The following ST6GAL1 variants were observed in gnomAD, a reference collection of about 807,000 sequenced individuals.
ST6GAL1 encodes beta-galactoside alpha-2,6-sialyltransferase 1.
A neutral mutation model predicts 38.0 loss-of-function variants in ST6GAL1; 20 were observed. The observed-to-expected ratio is 0.53, with a 90% CI of 0.37 to 0.77. ST6GAL1 has a LOEUF of 0.77. Among genes scored for constraint, ST6GAL1 ranks in the 30% least tolerant of loss-of-function variants. The pLI, the probability that ST6GAL1 is intolerant of heterozygous loss-of-function variation, is 0.00. For synonymous variants in ST6GAL1, 196 were observed against 188.2 expected, an observed-to-expected ratio of 1.04 and a Z score of -0.34; for missense variants, 432 against 496.4, an observed-to-expected ratio of 0.87 and a Z score of 1.23.
At chr3:187,019,090 A>G (rs1035480102) in intron 2 of ST6GAL1, among the ~76,000 whole-genome samples, 2 of 152,272 alleles carry the variant, frequency 1.3e-5, no homozygotes, top group African/African-American at 4.8e-5. Context: ...TTGATAACAA[A>G]TAACTCAAAT....
intron 2 of ST6GAL1, among the ~76,000 whole-genome samples, chr3:186,974,214 G>A (rs140250790): frequency 8.5e-5 from 13 of 152,278 alleles, no homozygotes; most frequent in Non-Finnish European, 1.6e-4. Flanking sequence ...CAGGCGCCTG[G>A]CCACCCCAGG....
At chr3:186,951,025 G>A (rs185630339) in intron 1 of ST6GAL1, among the ~76,000 whole-genome samples, 1,748 of 152,316 alleles carry the variant, frequency 0.011, 17 homozygotes, top group Non-Finnish European at 0.016. Flanking sequence ...GAGTGTGACT[G>A]TAGAAAAGCA....
chr3:187,008,794 G>A (rs1021069460), intron 2 of ST6GAL1, among the ~76,000 whole-genome samples: 2 of 152,066 alleles, frequency 1.3e-5, no homozygotes, highest in Non-Finnish European at 2.9e-5. Context: ...CGATATTTTA[G>A]ATTTATTTCC....
chr3:186,938,314 A>G (rs764342762), intron 1 of ST6GAL1, among the ~76,000 whole-genome samples: 2 of 152,214 alleles, frequency 1.3e-5, no homozygotes, highest in African/African-American at 4.8e-5. Flanking sequence ...TTTCTTGCCC[A>G]CTATGTATCG....
intron 2 of ST6GAL1, among the ~76,000 whole-genome samples, chr3:186,981,072 C>A (rs1040084749): frequency 2.0e-5 from 3 of 152,072 alleles, no homozygotes; most frequent in African/African-American, 7.2e-5. Flanking sequence ...CTATGCAAAG[C>A]AAGGAAGAAG....
intron 2 of ST6GAL1, among the ~76,000 whole-genome samples, chr3:186,972,965 A>G (rs1321963220): frequency 2.6e-5 from 4 of 152,204 alleles, no homozygotes; most frequent in Admixed American, 6.5e-5. Context: ...TGCATTGGCC[A>G]TGGGCTCCCC....
intron 2 of ST6GAL1, among the ~76,000 whole-genome samples, chr3:187,015,890 T>C (rs1471432757): frequency 6.6e-6 from 1 of 152,116 alleles, no homozygotes; most frequent in East Asian, 1.9e-4. Flanking sequence ...ATTCAGACAG[T>C]TCTGGGTTCA....
Position 187,076,068 on chromosome 3 carries a change from G to A in ST6GAL1, c.*265G>A, listed in dbSNP as rs751084463. ...ATTCTTTCCAGACAGCATCCTCCCC[G>A]CCTTCCACCTTGGTAGATGCAAGGT... is the stretch of plus-strand genomic sequence containing the variant. On this transcript the variant is annotated 3_prime_UTR_variant, in exon 8 of 8. Coordinates refer to ENST00000169298, the MANE Select transcript of ST6GAL1 (RefSeq NM_173216.2). 2 of 446,598 alleles carry A rather than the reference G, an allele frequency of 4.5e-6. No homozygotes were observed. Among genetic ancestry groups the A allele is most frequent in the African/African-American group, 2.0e-5 (1 of 51,126 alleles). The allele number at this position is 446,598 out of a possible 1,614,324, so 27.7% of individuals were successfully genotyped here.
intron 4 of ST6GAL1, among the ~76,000 whole-genome samples, chr3:187,048,012 GGCTCACT>G (rs1489114153): frequency 6.7e-6 from 1 of 149,156 alleles, no homozygotes; most frequent in Non-Finnish European, 1.5e-5. Context: ...GCGTGATCTT[GGCTCACT>G]GCAAGCTCCA....
At chr3:187,033,271 G>A (rs1041956662) in intron 2 of ST6GAL1, among the ~76,000 whole-genome samples, 1 of 152,160 alleles carries the variant, frequency 6.6e-6, no homozygotes, top group Non-Finnish European at 1.5e-5. Flanking sequence ...TATTAGCTGG[G>A]CGTGGTGGCC....
At chr3:186,951,578 A>G (rs1165961685) in intron 1 of ST6GAL1, among the ~76,000 whole-genome samples, 1 of 152,174 alleles carries the variant, frequency 6.6e-6, no homozygotes, top group African/African-American at 2.4e-5. Context: ...GTTAATTCCA[A>G]TGAATGATAG....
intron 2 of ST6GAL1, among the ~76,000 whole-genome samples, chr3:186,973,956 G>A (rs143842081): frequency 1.3e-3 from 204 of 152,334 alleles, no homozygotes; most frequent in Non-Finnish European, 2.4e-3. Context: ...TAAAGAGAGA[G>A]AGACAAATGC....
At chr3:187,038,912 C>A (rs544118439) in intron 3 of ST6GAL1, 39 bp downstream of exon 3, 23 of 152,320 alleles carry the variant, frequency 1.5e-4, no homozygotes, top group African/African-American at 5.3e-4. Flanking sequence ...CAAAGGGGTA[C>A]ATTCCTGAGT....
chr3:187,076,132 T>G lies in ST6GAL1; in HGVS notation c.*329T>G, dbSNP rs1182362429. The G allele has an allele frequency of 1.0e-5, 3 of 294,974 alleles. No individual in the cohort carries two copies. Among genetic ancestry groups the G allele is most frequent in the African/African-American group, 6.4e-5 (3 of 46,804 alleles). 18.3% of individuals were successfully genotyped at this position (294,974 alleles called of 1,614,324 possible). A position where few individuals can be genotyped will look rare whatever the true frequency, so the allele number is the denominator to read the frequency against. On this transcript the variant is annotated 3_prime_UTR_variant, in exon 8 of 8. Coordinates refer to ENST00000169298, the MANE Select transcript of ST6GAL1 (RefSeq NM_173216.2). Reference sequence around the variant, plus strand: ...CAGGGCTGCCAAAGCTGGGCTTTGTTTTTCCCAGCAGAATGATGCCATTCT... The same window carrying G: ...CAGGGCTGCCAAAGCTGGGCTTTGTGTTTCCCAGCAGAATGATGCCATTCT...
chr3:187,013,517 C>T (rs144553606), intron 2 of ST6GAL1, among the ~76,000 whole-genome samples: 42 of 152,294 alleles, frequency 2.8e-4, no homozygotes, highest in East Asian at 3.9e-4. Context: ...GAGGGTCCCA[C>T]GTTCCTATTC....
chr3:186,974,729 G>A (rs1038028198), intron 2 of ST6GAL1, among the ~76,000 whole-genome samples: 4 of 151,438 alleles, frequency 2.6e-5, no homozygotes, highest in Non-Finnish European at 5.9e-5. Flanking sequence ...GCCTGGTTGG[G>A]GGGGGGGCGC....
intron 1 of ST6GAL1, among the ~76,000 whole-genome samples, chr3:186,955,105 A>G (rs1714703821): frequency 6.6e-6 from 1 of 152,132 alleles, no homozygotes; most frequent in African/African-American, 2.4e-5. Flanking sequence ...TCCCATTGCT[A>G]GTTTTTGTCA....
At chr3:187,031,235 C>G (rs1717738493) in intron 2 of ST6GAL1, among the ~76,000 whole-genome samples, 1 of 152,178 alleles carries the variant, frequency 6.6e-6, no homozygotes, top group East Asian at 1.9e-4. Flanking sequence ...GGGAACAGCA[C>G]AGGAAACCAC....
At chr3:187,064,267 G>T (rs1051230865) in intron 5 of ST6GAL1, among the ~76,000 whole-genome samples, 1 of 152,212 alleles carries the variant, frequency 6.6e-6, no homozygotes, top group Admixed American at 6.5e-5. Context: ...CAAAGGAAAA[G>T]TCAAAGCAAC....
Sources: allele counts gnomAD v4.1 joint callset (sites outside exome capture counted in the v4.1 genomes callset), GRCh38; gene constraint gnomAD v4.1.1; transcripts MANE v1.5; gene names NCBI Gene and HGNC (gene_info 2026-07-23, HGNC 2026-07-21).